Variants in NCSTN observed in about 807,000 individuals in gnomAD.
The protein encoded by NCSTN is anterior pharynx-defective 2.
Under a neutral mutation model 87.0 loss-of-function variants are expected in NCSTN, and 22 were observed. The ratio of observed to expected loss-of-function variants is 0.25; its 90% CI spans 0.18 to 0.36. NCSTN has a LOEUF of 0.36. NCSTN is among the 10% of genes least tolerant of loss of function. The pLI is 1.00. For synonymous variants in NCSTN, 306 were observed against 327.1 expected, an observed-to-expected ratio of 0.94 and a Z score of 0.69; for missense variants, 693 against 883.3, an observed-to-expected ratio of 0.78 and a Z score of 2.73.
In NCSTN at chr1:160,345,938, G is replaced by GAAAAAA. The variant is rs56358787; in HGVS notation, c.190+1130_190+1135dup. On this transcript the variant is annotated intron_variant, in intron 2 of 16. Coordinates refer to ENST00000294785, the MANE Select transcript of NCSTN (RefSeq NM_015331.3). ...TAGGTGACAGAGTGAGACACTGTCT[G>GAAAAAA]AAAAAAAAAAAAAAAAAAAAAAAGA... Among the ~76,000 whole-genome samples, 241 of 59,412 alleles carry GAAAAAA rather than the reference G, an allele frequency of 4.1e-3. 1 individual carries two copies. The highest frequency in any genetic ancestry group is 7.6e-3 in the East Asian group (15 of 1,980). 39.0% of individuals were successfully genotyped at this position (59,412 alleles called of 152,430 possible).
Position 160,358,249 on chromosome 1 carries a change from A to T in NCSTN, c.2108A>T (p.Glu703Val), listed in dbSNP as rs1173216292. The change falls in exon 17 of 17, where the codon GAG (glutamate) becomes GTG (valine). Residue 703 changes from glutamate (E) to valine (V), a missense_variant. Glu to Val is a moderately radical substitution (Grantham distance 121, BLOSUM62 -2). Coordinates refer to ENST00000294785, the MANE Select transcript of NCSTN (RefSeq NM_015331.3). ...GATGTCCTTTTCATTGCTCCCCGGG[A>T]GCCAGGAGCTGTGTCATACTGAGGA... Reference protein sequence around the residue: ...KADVLFIAPREPGAVSY With the variant: ...KADVLFIAPRVPGAVSY 3 of 1,613,970 alleles carry T rather than the reference A, an allele frequency of 1.9e-6. No individual in the cohort carries two copies. The highest frequency in any genetic ancestry group is 2.5e-6 in the Non-Finnish European group (3 of 1,179,974).
At chr1:160,352,791 T>C in intron 8 of NCSTN, 96 bp from the exon 9 acceptor site, 1 of 931,030 alleles carries the variant, frequency 1.1e-6, no homozygotes, top group South Asian at 1.4e-5. Flanking sequence ...CCTGAGATAG[T>C]CGTCTTACCT....
chr1:160,357,043 G>C lies in NCSTN; in HGVS notation c.1797G>C (p.Leu599=). 6.2e-7 allele frequency: 1 copy of C among 1,613,352 alleles called. No homozygotes were observed. Among genetic ancestry groups the C allele is most frequent in the South Asian group, 1.1e-5 (1 of 91,054 alleles). ...GTTGTGGCGCATCTTCTGTGCAGCT[G>C]TATGAGTACTCATGGGTCCAGGGCC... is the stretch of plus-strand genomic sequence containing the variant. The part of the protein sequence containing the change: ...PSKVPSENKD[L]YEYSWVQGPL... Residue 599 remains leucine (L), a splice_region_variant and synonymous_variant, in exon 16 of 17, where the codon CTG becomes CTC. Coordinates refer to ENST00000294785, the MANE Select transcript of NCSTN (RefSeq NM_015331.3).
rs575591722 is a variant in NCSTN at position 160,351,593 on chromosome 1, G to A, written c.734-103G>A. 6.8e-5 allele frequency: 88 copies of A among 1,296,742 alleles called. No homozygotes were observed. The African/African-American group carries it at 1.1e-3, about 16-fold the overall frequency. 80.3% of individuals were successfully genotyped at this position (1,296,742 alleles called of 1,614,324 possible). ...TCGGACTGTTGGAAGTAGAGAAAAC[G>A]ACTTAGAGTCCGTGGGGCACTGGTC... On this transcript the variant is annotated intron_variant, in intron 6 of 16. Coordinates refer to ENST00000294785, the MANE Select transcript of NCSTN (RefSeq NM_015331.3).
chr1:160,348,518 G>A (rs747447550), intron 2 of NCSTN, among the ~76,000 whole-genome samples: 4 of 152,108 alleles, frequency 2.6e-5, no homozygotes, highest in East Asian at 1.9e-4. Context: ...ATCTAAAACC[G>A]GCCAGAAGCA....
At chr1:160,354,045 T>A in intron 10 of NCSTN, 73 bp from the exon 11 acceptor site, 10 of 1,486,304 alleles carry the variant, frequency 6.7e-6, no homozygotes, top group Non-Finnish European at 9.4e-6. Flanking sequence ...TATAGAGCAT[T>A]TCAGGCCTAA....
At position 160,352,220 on chromosome 1, in the gene NCSTN, G is replaced by T; in HGVS notation, c.996+14G>T. The T allele has an allele frequency of 6.2e-7, 1 of 1,613,996 alleles. No individual in the cohort carries two copies. The highest frequency in any genetic ancestry group is 8.5e-7 in the Non-Finnish European group (1 of 1,179,890). On this transcript the variant is annotated intron_variant, in intron 8 of 16. Transcript: ENST00000294785. ...TTCTTTCAAGGGGTAAGGGCTCTTT[G>T]GCTGGGGTGCAATGGCAGGGAAGAA...
At chr1:160,352,328 T>G in intron 8 of NCSTN, 122 bp downstream of exon 8, 1 of 1,225,172 alleles carries the variant, frequency 8.2e-7, no homozygotes, top group African/African-American at 1.5e-5. Flanking sequence ...ACAGAGCTTC[T>G]GGATGTGTCT....
At position 160,351,401 on chromosome 1, in the gene NCSTN, T is replaced by C. The variant is rs759283796; in HGVS notation, c.733+29T>C. The C allele has an allele frequency of 1.4e-5, 23 of 1,611,096 alleles. No individual in the cohort carries two copies. In the Admixed American group the frequency reaches 3.5e-4, roughly 25 times the overall value. ...GGGCAGATCCGAACCATGAGGGTAA[T>C]GGAATAAGGGGCAGAGGGAGAGTGG... On this transcript the variant is annotated intron_variant, in intron 6 of 16. Transcript: ENST00000294785.
intron 1 of NCSTN, 156 bp from the exon 2 acceptor site, chr1:160,344,566 G>A (rs1164705649): frequency 4.5e-6 from 7 of 1,551,302 alleles, no homozygotes; most frequent in Non-Finnish European, 6.1e-6. Flanking sequence ...GTTACGATAA[G>A]TGTGTGCCCA....
chr1:160,344,664 A>C, intron 1 of NCSTN, 58 bp from the exon 2 acceptor site: 1 of 1,602,360 alleles, frequency 6.2e-7, no homozygotes, highest in Non-Finnish European at 8.5e-7. Flanking sequence ...TAATGACACG[A>C]TAGAAGCTAG....
At chr1:160,351,422 A>C (rs200592168) in intron 6 of NCSTN, 50 bp downstream of exon 6, 5 of 1,590,260 alleles carry the variant, frequency 3.1e-6, no homozygotes. Context: ...GCAGAGGGAG[A>C]GTGGAACCAG....
In NCSTN at chr1:160,351,775, T is replaced by C. The variant is rs1648852170; in HGVS notation, c.813T>C (p.Pro271=). The C allele has an allele frequency of 6.2e-7, 1 of 1,613,064 alleles. No homozygotes were observed. ...KPINTTGTLK[P]DDRVVVAATR... ...TAAATACAACTGGGACATTAAAGCC[T>C]GACGACAGGGTTGTGGTTGCTGCCA... is the stretch of plus-strand genomic sequence containing the variant. Residue 271 remains proline (P), a synonymous_variant, in exon 7 of 17, where the codon CCT becomes CCC. Transcript: ENST00000294785.
chr1:160,355,841 G>A (rs762612655), intron 12 of NCSTN, 22 bp from the exon 13 acceptor site: 3 of 1,609,292 alleles, frequency 1.9e-6, no homozygotes, highest in South Asian at 2.2e-5. Context: ...GGGCCATTCA[G>A]CCCCCTCCTC....
intron 5 of NCSTN, among the ~76,000 whole-genome samples, chr1:160,350,929 C>A (rs1380938100): frequency 6.6e-6 from 1 of 152,182 alleles, no homozygotes; most frequent in Non-Finnish European, 1.5e-5. Flanking sequence ...TCAGACCACA[C>A]TGAATCTTTT....
chr1:160,350,140 C>T lies in NCSTN; in HGVS notation c.472C>T (p.His158Tyr). 1 of 1,614,086 alleles carries T rather than the reference C, an allele frequency of 6.2e-7. No individual in the cohort carries two copies. ...YSNSYGPEFAHCREIQWNSLG... is the reference protein window; with the variant it reads ...YSNSYGPEFAYCREIQWNSLG... ...CAATTCCTATGGGCCAGAGTTTGCT[C>T]ACTGCAGAGAAATACAGTGGAATTC... Residue 158 changes from histidine to tyrosine, a missense_variant, in exon 5 of 17, where the codon CAC becomes TAC. Physicochemically the swap from His to Tyr is moderately conservative, Grantham distance 83. Transcript: ENST00000294785.
intron 5 of NCSTN, among the ~76,000 whole-genome samples, chr1:160,350,872 A>G (rs1278941248): frequency 6.6e-6 from 1 of 152,140 alleles, no homozygotes; most frequent in Non-Finnish European, 1.5e-5. Flanking sequence ...TTGATCTCCA[A>G]GCTGTGTCAT....
intron 1 of NCSTN, 107 bp from the exon 2 acceptor site, chr1:160,344,615 G>A (rs1327683754): frequency 1.3e-6 from 2 of 1,559,046 alleles, no homozygotes; most frequent in East Asian, 4.7e-5. Flanking sequence ...ATTTTAGAAA[G>A]TATGATATTA....
chr1:160,345,246 G>A (rs1304808886), intron 2 of NCSTN: 4 of 281,444 alleles, frequency 1.4e-5, no homozygotes, highest in South Asian at 3.4e-5. Context: ...AGGCTGGAGT[G>A]CAATGGCACG....
Sources: gnomAD v4.1 joint callset for allele counts (sites outside exome capture counted in the v4.1 genomes callset) on GRCh38, gnomAD v4.1.1 for gene constraint, MANE v1.5 for transcripts, NCBI Gene and HGNC (gene_info 2026-07-23, HGNC 2026-07-21) for gene names.